The following SELENON variants were observed in gnomAD, a reference collection of about 807,000 sequenced individuals.
The protein encoded by SELENON is selenoprotein N, 1.
In SELENON, 44 loss-of-function variants were observed where a neutral mutation model predicts 59.5. That is an observed-to-expected ratio of 0.74 (90% CI 0.58 to 0.95). SELENON has a LOEUF of 0.95. SELENON is among the 40% of genes least tolerant of loss of function. The pLI, the probability that SELENON is intolerant of heterozygous loss-of-function variation, is 0.00. For synonymous variants in SELENON, 320 were observed against 305.6 expected, an observed-to-expected ratio of 1.05 and a Z score of -0.49; for missense variants, 674 against 721.4, an observed-to-expected ratio of 0.93 and a Z score of 0.75.
intron 3 of SELENON, among the ~76,000 whole-genome samples, chr1:25,803,580 T>G (rs767977750): frequency 1.3e-5 from 2 of 152,208 alleles, no homozygotes; most frequent in Non-Finnish European, 2.9e-5. Context: ...GTATTATAAT[T>G]AATAACATTA....
At position 25,805,190 on chromosome 1, in the gene SELENON, C is replaced by T; in HGVS notation, c.452C>T (p.Pro151Leu). 2 of 1,614,126 alleles carry T rather than the reference C, an allele frequency of 1.2e-6. No homozygotes were observed. Among genetic ancestry groups the T allele is most frequent in the Non-Finnish European group, 1.7e-6 (2 of 1,180,034 alleles). Residue 151 changes from proline (P) to leucine (L), a missense_variant, in exon 4 of 13, where the codon CCT becomes CTT. By Grantham distance (98) the Pro-to-Leu change is moderately conservative. Coordinates refer to ENST00000361547, the MANE Select transcript of SELENON (RefSeq NM_020451.3). ...GAGGAGGAGGAGTTGCCCCCTGACCCTAGCGAGGAGACGCTCACCATAGAA... is the reference window on the plus strand; with the variant it reads ...GAGGAGGAGGAGTTGCCCCCTGACCTTAGCGAGGAGACGCTCACCATAGAA...
chr1:25,815,182 T>G (rs949318607), intron 12 of SELENON, among the ~76,000 whole-genome samples: 1 of 149,572 alleles, frequency 6.7e-6, no homozygotes, highest in African/African-American at 2.5e-5. Flanking sequence ...AGAGGCCCAT[T>G]GAATGTGAGG....
rs772821001 is a variant in SELENON at position 25,801,207 on chromosome 1, G to A, written c.301+47G>A. 8 of 1,467,716 alleles carry A rather than the reference G, an allele frequency of 5.5e-6. No homozygotes were observed. In the East Asian group the frequency reaches 1.4e-4, roughly 25 times the overall value. 90.9% of individuals were successfully genotyped at this position (1,467,716 alleles called of 1,614,324 possible). A position where few individuals can be genotyped will look rare whatever the true frequency, so the allele number is the denominator to read the frequency against. On this transcript the variant is annotated intron_variant, in intron 2 of 12. Transcript: ENST00000361547. The stretch of plus-strand genomic sequence containing the variant: ...TGGGGAGGAGGGCGCCTTGGCCAAC[G>A]GTGTCTTCACTGAGCAGGAGCGGCC...
At position 25,805,282 on chromosome 1, in the gene SELENON, TGGGGACCACAGGCA is replaced by T. The variant is rs764307924; in HGVS notation, c.537+9_537+22del. On this transcript the variant is annotated splice_region_variant and intron_variant, in intron 4 of 12. Coordinates refer to ENST00000361547, the MANE Select transcript of SELENON (RefSeq NM_020451.3). ...CAAAGATGGCTTCCTAGGGGTGAGTTGGGGACCACAGGCAGTGGGGTCATCTGTGTGTATCCCGA... is the reference window on the plus strand; with the variant it reads ...CAAAGATGGCTTCCTAGGGGTGAGTTGTGGGGTCATCTGTGTGTATCCCGA... 3.7e-6 allele frequency: 6 copies of T among 1,613,984 alleles called. No homozygotes were observed. In the South Asian group the frequency reaches 6.6e-5, roughly 18 times the overall value.
At chr1:25,811,402 G>T in intron 7 of SELENON, 52 bp from the exon 7 acceptor site, 1 of 1,469,484 alleles carries the variant, frequency 6.8e-7, no homozygotes, top group South Asian at 1.1e-5. Flanking sequence ...GATAAAGTGT[G>T]ACACAGATAA....
In SELENON at chr1:25,815,760, G is replaced by A. The variant is rs1347581613; in HGVS notation, c.*42G>A. On this transcript the variant is annotated 3_prime_UTR_variant, in exon 13 of 13. Coordinates refer to ENST00000361547, the MANE Select transcript of SELENON (RefSeq NM_020451.3). ...CTGATGCACAGGCCCCCACGCCTCA[G>A]AGCCAGAGTGGTCCTCAGCCCATTT... The A allele has an allele frequency of 6.2e-7, 1 of 1,605,242 alleles. No individual in the cohort carries two copies. Among genetic ancestry groups the A allele is most frequent in the African/African-American group, 1.3e-5 (1 of 74,838 alleles).
At position 25,816,911 on chromosome 1, in the gene SELENON, T is replaced by C. The variant is rs1206560096; in HGVS notation, c.*1193T>C. 6.6e-6 allele frequency: 1 copy of C among 152,510 alleles called. No homozygotes were observed. Among genetic ancestry groups the C allele is most frequent in the African/African-American group, 2.4e-5 (1 of 41,448 alleles). 9.4% of individuals were successfully genotyped at this position (152,510 alleles called of 1,614,324 possible). On this transcript the variant is annotated 3_prime_UTR_variant, in exon 13 of 13. Transcript: ENST00000361547. ...GGAAGAAGTAGTCCTCTCTTCCTTCTCCTCTTCAGCTTTTTAAAAACAGTC... is the reference window on the plus strand; with the variant it reads ...GGAAGAAGTAGTCCTCTCTTCCTTCCCCTCTTCAGCTTTTTAAAAACAGTC...
Position 25,811,669 on chromosome 1 carries a change from C to T in SELENON, c.1093-22C>T, listed in dbSNP as rs767110431. On this transcript the variant is annotated intron_variant, in intron 8 of 12. Coordinates refer to ENST00000361547, the MANE Select transcript of SELENON (RefSeq NM_020451.3). Reference sequence around the variant, plus strand: ...TCTTGCCCATCTCTGAGCCTTCCCCCTACCACTGACCTCTGGCCCAGATGG... The same window carrying T: ...TCTTGCCCATCTCTGAGCCTTCCCCTTACCACTGACCTCTGGCCCAGATGG... The T allele has an allele frequency of 8.1e-6, 13 of 1,611,920 alleles. 1 individual carries two copies. In the South Asian group the frequency reaches 1.4e-4, roughly 18 times the overall value.
intron 3 of SELENON, among the ~76,000 whole-genome samples, chr1:25,803,716 G>GT (rs1305818320): frequency 0.024 from 2,280 of 96,046 alleles, 55 homozygotes; most frequent in African/African-American, 0.06. Flanking sequence ...TTGTTTTTTT[G>GT]TTTTTTTTTT....
chr1:25,806,301 A>G (rs6675287), intron 4 of SELENON, among the ~76,000 whole-genome samples: 125,596 of 152,276 alleles, frequency 0.82, 52,048 homozygotes, highest in East Asian at 0.98. Context: ...CCTTCATTCT[A>G]TGGTGGCTGA....
chr1:25,811,628 G>T (rs2047960517), intron 8 of SELENON, 63 bp from the exon 8 acceptor site: 3 of 1,600,920 alleles, frequency 1.9e-6, no homozygotes, highest in Non-Finnish European at 2.6e-6. Flanking sequence ...GGGTCTCTAG[G>T]GGAGCCCCTG....
At chr1:25,813,598 G>T in intron 10 of SELENON, 1 of 507,498 alleles carries the variant, frequency 2.0e-6, no homozygotes, top group Non-Finnish European at 3.8e-6. Flanking sequence ...CTGTGTGAAG[G>T]CCCTGGGACA....
intron 5 of SELENON, 97 bp downstream of exon 4, chr1:25,808,886 C>T (rs1338696552): frequency 6.4e-7 from 1 of 1,573,096 alleles, no homozygotes. Context: ...AGGCCTGCTC[C>T]ACCTGCTCTC....
Position 25,811,484 on chromosome 1 carries a change from C to T in SELENON, c.1041C>T (p.Tyr347=), listed in dbSNP as rs113867228. 7.1e-5 allele frequency: 115 copies of T among 1,614,022 alleles called. No individual in the cohort carries two copies. In the Admixed American group the frequency reaches 7.8e-4, roughly 11 times the overall value. ...TGAATGTGGACATGGAGTGGCTTTA[C>T]GGGGCCAGTGAAAGCAGCAACATGG... The change falls in exon 8 of 13, where the codon TAC becomes TAT. Residue 347 remains tyrosine (Y), a synonymous_variant. Transcript: ENST00000361547.
chr1:25,803,265 G>A (rs1052845117), intron 3 of SELENON, among the ~76,000 whole-genome samples: 15 of 152,270 alleles, frequency 9.9e-5, no homozygotes, highest in African/African-American at 3.4e-4. Flanking sequence ...CAAAGCTTGA[G>A]GTGCACTTTT....
rs2048005964 is a variant in SELENON, at chr1:25,815,752, A to T, written c.*34A>T. 1.4e-5 allele frequency: 23 copies of T among 1,609,240 alleles called. No individual in the cohort carries two copies. Among genetic ancestry groups the T allele is most frequent in the Non-Finnish European group, 1.9e-5 (22 of 1,178,334 alleles). ...GACGGGATCTGATGCACAGGCCCCC[A>T]CGCCTCAGAGCCAGAGTGGTCCTCA... On this transcript the variant is annotated 3_prime_UTR_variant, in exon 13 of 13. Transcript: ENST00000361547.
chr1:25,801,790 C>G (rs1348536016), intron 2 of SELENON, among the ~76,000 whole-genome samples: 1 of 152,210 alleles, frequency 6.6e-6, no homozygotes, highest in Non-Finnish European at 1.5e-5. Context: ...GAGATGGACA[C>G]TGTCATGATC....
intron 4 of SELENON, among the ~76,000 whole-genome samples, chr1:25,805,570 G>C (rs1475277072): frequency 6.6e-6 from 1 of 152,078 alleles, no homozygotes; most frequent in Non-Finnish European, 1.5e-5. Context: ...GCACAGGTTG[G>C]GGGGGTCTCG....
At position 25,805,127 on chromosome 1, in the gene SELENON, G is replaced by A; in HGVS notation, c.404-15G>A. On this transcript the variant is annotated splice_polypyrimidine_tract_variant and intron_variant, in intron 3 of 12. Transcript: ENST00000361547. Reference sequence around the variant, plus strand: ...AGCATAAGGGCAGTGCCTCTCCGATGTCTGTGTCTCATAGGGTCAACTCCC... The same window carrying A: ...AGCATAAGGGCAGTGCCTCTCCGATATCTGTGTCTCATAGGGTCAACTCCC... 1.2e-6 allele frequency: 2 copies of A among 1,612,962 alleles called. No homozygotes were observed. Among genetic ancestry groups the A allele is most frequent in the Non-Finnish European group, 1.7e-6 (2 of 1,179,976 alleles).
Sources: gnomAD v4.1 joint callset for allele counts (sites outside exome capture counted in the v4.1 genomes callset) on GRCh38, gnomAD v4.1.1 for gene constraint, MANE v1.5 for transcripts, NCBI Gene and HGNC (gene_info 2026-07-23, HGNC 2026-07-21) for gene names.